The following STRAP variants were observed in gnomAD, a reference collection of about 807,000 sequenced individuals.
STRAP encodes the protein serine-threonine kinase receptor-associated protein.
In STRAP, 16 loss-of-function variants were observed where a neutral mutation model predicts 47.0. That is an observed-to-expected ratio of 0.34 (90% CI 0.23 to 0.52). The LOEUF (loss-of-function observed/expected upper bound fraction) is 0.52, where lower values mean the gene tolerates loss of function less well. Ranked by LOEUF, STRAP falls within the 20% of genes least tolerant of loss-of-function variation. STRAP has a pLI of 0.96. For synonymous variants in STRAP, 130 were observed against 142.7 expected (o/e 0.91, Z 0.63); for missense variants, 293 against 420.0 (o/e 0.70, Z 2.64).
intron 2 of STRAP, 39 bp downstream of exon 2, chr12:15,883,715 T>A: frequency 6.2e-7 from 1 of 1,606,288 alleles, no homozygotes. Flanking sequence ...GTGTTCTCTG[T>A]AGCTTGTGTC....
chr12:15,902,861 C>G (rs1429774242), intron 9 of STRAP, 56 bp from the exon 10 acceptor site: 1 of 1,352,794 alleles, frequency 7.4e-7, no homozygotes, highest in African/African-American at 1.8e-5. Flanking sequence ...TTGCTTCTTT[C>G]TTTCATTAAG....
At chr12:15,898,594 C>T (rs905037543) in intron 7 of STRAP, among the ~76,000 whole-genome samples, 3 of 152,074 alleles carry the variant, frequency 2.0e-5, no homozygotes, top group East Asian at 1.9e-4. Context: ...TTCATGATAA[C>T]AGTCCTTAGT....
At chr12:15,898,089 TA>T in intron 7 of STRAP, 71 bp downstream of exon 7, 1 of 997,408 alleles carries the variant, frequency 1.0e-6, no homozygotes, top group African/African-American at 1.7e-5. Context: ...ACACCTCATT[TA>T]TATATATATA....
At chr12:15,885,180 GTTTTTTTTTTT>G (rs749702060) in intron 2 of STRAP, among the ~76,000 whole-genome samples, 4 of 99,592 alleles carry the variant, frequency 4.0e-5, no homozygotes, top group Admixed American at 1.1e-4. Context: ...TACAAGTGGT[GTTTTTTTTTTT>G]TTTTTTTTTT....
At position 15,887,280 on chromosome 12, in the gene STRAP, A is replaced by G. The variant is rs1363769600; in HGVS notation, c.249-2648A>G. 6.6e-6 allele frequency among the ~76,000 whole-genome samples: 1 copy of G among 152,174 alleles called. No homozygotes were observed. The highest frequency in any genetic ancestry group is 1.5e-5 in the Non-Finnish European group (1 of 68,038). On this transcript the variant is annotated intron_variant, in intron 2 of 9. Coordinates refer to ENST00000419869, the MANE Select transcript of STRAP (RefSeq NM_007178.4). This position sits in a 1 kb window ranked among gnomAD's most constrained non-coding sequence, Gnocchi z 5.5. ...GGTAAGTTCATTCTGAGGATATGGA[A>G]AGTATCAGGCAGCATTATTATTTGC...
At position 15,897,952 on chromosome 12, in the gene STRAP, T is replaced by C. The variant is rs1238158252; in HGVS notation, c.709T>C (p.Phe237Leu). 1 of 1,602,290 alleles carries C rather than the reference T, an allele frequency of 6.2e-7. No homozygotes were observed. Among genetic ancestry groups the C allele is most frequent in the Non-Finnish European group, 8.5e-7 (1 of 1,175,638 alleles). Residue 237 changes from phenylalanine (F) to leucine (L), a missense_variant, in exon 7 of 10, where the codon TTT (phenylalanine) becomes CTT (leucine). By Grantham distance (22) the Phe-to-Leu change is conservative. Coordinates refer to ENST00000419869, the MANE Select transcript of STRAP (RefSeq NM_007178.4). The part of the protein sequence containing the change: ...NSASLHPEKE[F>L]LVAGGEDFKL... ...TGCATCTCTTCATCCTGAGAAAGAA[T>C]TTCTTGTTGCAGGCGGTGAAGATTT... is the stretch of plus-strand genomic sequence containing the variant.
chr12:15,892,298 A>G (rs1247187532), intron 4 of STRAP, among the ~76,000 whole-genome samples: 4 of 152,078 alleles, frequency 2.6e-5, no homozygotes, highest in African/African-American at 9.7e-5. Context: ...AGGTGGTTTT[A>G]TGGTATATAT....
chr12:15,889,733 T>C (rs1316079078), intron 2 of STRAP, among the ~76,000 whole-genome samples, 195 bp from the exon 3 acceptor site: 2 of 152,192 alleles, frequency 1.3e-5, no homozygotes, highest in African/African-American at 4.8e-5. Flanking sequence ...GAAATTTCTT[T>C]TCCCTTAAGC....
At position 15,898,148 on chromosome 12, in the gene STRAP, T is replaced by G. The variant is rs543448618; in HGVS notation, c.775+130T>G. Reference sequence around the variant, plus strand: ...AGTAAATTTTTCAGCTAACTTAAGCTTGGTGCTTACAAGTGAAAAAGTAAA... The same window carrying G: ...AGTAAATTTTTCAGCTAACTTAAGCGTGGTGCTTACAAGTGAAAAAGTAAA... On this transcript the variant is annotated intron_variant, in intron 7 of 9. Coordinates refer to ENST00000419869, the MANE Select transcript of STRAP (RefSeq NM_007178.4). 1.9e-5 allele frequency: 16 copies of G among 823,886 alleles called. No individual in the cohort carries two copies. In the Admixed American group the frequency reaches 2.4e-4, roughly 13 times the overall value. The allele number at this position is 823,886 out of a possible 1,614,324, so 51.0% of individuals were successfully genotyped here.
At chr12:15,897,761 A>G in intron 6 of STRAP, 121 bp from the exon 7 acceptor site, 1 of 392,056 alleles carries the variant, frequency 2.6e-6, no homozygotes, top group Non-Finnish European at 3.9e-6. Flanking sequence ...ATCAGTGTTT[A>G]TGTTTGAGTA....
rs554842985 is a variant in STRAP, at chr12:15,885,373, G to A, written c.248+1697G>A. Among the ~76,000 whole-genome samples, 20 of 151,816 alleles carry A rather than the reference G, an allele frequency of 1.3e-4. No individual in the cohort carries two copies. The East Asian group carries it at 3.9e-3, about 29-fold the overall frequency. On this transcript the variant is annotated intron_variant, in intron 2 of 9. Transcript: ENST00000419869. ...CTGGCTAATTTTTGTATATTTAGTA[G>A]AGACGGGGTTTCGCCATGTTGGCCA...
Position 15,882,622 on chromosome 12 carries a change from G to T in STRAP, c.-86G>T. On this transcript the variant is annotated 5_prime_UTR_variant, in exon 1 of 10. Coordinates refer to ENST00000419869, the MANE Select transcript of STRAP (RefSeq NM_007178.4). Reference sequence around the variant, plus strand: ...GCCCTAGTGTCAGGGCGGGGGCCTGGAGCAGCCCGAGGCACTGCAGCAGAA... The same window carrying T: ...GCCCTAGTGTCAGGGCGGGGGCCTGTAGCAGCCCGAGGCACTGCAGCAGAA... The T allele has an allele frequency of 8.6e-7, 1 of 1,163,122 alleles. No homozygotes were observed. The highest frequency in any genetic ancestry group is 1.2e-6 in the Non-Finnish European group (1 of 807,456). The allele number at this position is 1,163,122 out of a possible 1,614,324, so 72.1% of individuals were successfully genotyped here. A position where few individuals can be genotyped will look rare whatever the true frequency, so the allele number is the denominator to read the frequency against.
At chr12:15,902,189 G>A (rs959908369) in intron 9 of STRAP, among the ~76,000 whole-genome samples, 6 of 152,082 alleles carry the variant, frequency 3.9e-5, no homozygotes, top group African/African-American at 1.4e-4. Context: ...GATCAGGCTG[G>A]TCTTGAACTC....
At chr12:15,899,869 A>G (rs1213403026) in intron 7 of STRAP, 35 bp from the exon 8 acceptor site, 10 of 1,585,832 alleles carry the variant, frequency 6.3e-6, no homozygotes, top group Non-Finnish European at 8.6e-6. Context: ...TTAACCTAAT[A>G]GTTAAAATTA....
rs1948009927 is a variant in STRAP, at chr12:15,890,930, G to GGC, written c.403+264_403+265dup. Among the ~76,000 whole-genome samples the GGC allele has an allele frequency of 6.6e-6, 1 of 152,004 alleles. No homozygotes were observed. The highest frequency in any genetic ancestry group is 2.4e-5 in the African/African-American group (1 of 41,386). On this transcript the variant is annotated intron_variant, in intron 4 of 9. Coordinates refer to ENST00000419869, the MANE Select transcript of STRAP (RefSeq NM_007178.4). The surrounding 1 kb of genome is among the most constrained non-coding windows in gnomAD (Gnocchi z 4.5). ...GAAAAATTAGCCAGGCATGGTGGCA[G>GGC]GCGCTTGTAATCCCAGCTACTTGGG... is the stretch of plus-strand genomic sequence containing the variant.
In STRAP at chr12:15,890,257, G is replaced by A. The variant is rs1210579741; in HGVS notation, c.330+248G>A. On this transcript the variant is annotated intron_variant, in intron 3 of 9. Coordinates refer to ENST00000419869, the MANE Select transcript of STRAP (RefSeq NM_007178.4). This position sits in a 1 kb window ranked among gnomAD's most constrained non-coding sequence, Gnocchi z 4.5. ...TCAACATGTAAAAAACATCTGAAAAGCTCAAGTAGCCTTCCCCAACTACTA... is the reference window on the plus strand; with the variant it reads ...TCAACATGTAAAAAACATCTGAAAAACTCAAGTAGCCTTCCCCAACTACTA... Among the ~76,000 whole-genome samples, 1 of 152,184 alleles carries A rather than the reference G, an allele frequency of 6.6e-6. No individual in the cohort carries two copies. Among genetic ancestry groups the A allele is most frequent in the Non-Finnish European group, 1.5e-5 (1 of 68,034 alleles).
At chr12:15,895,549 G>T in intron 6 of STRAP, 53 bp downstream of exon 6, 1 of 1,563,868 alleles carries the variant, frequency 6.4e-7, no homozygotes, top group South Asian at 1.2e-5. Context: ...AAGACATTTT[G>T]GCTACTTAAA....
intron 7 of STRAP, among the ~76,000 whole-genome samples, chr12:15,898,595 A>G (rs1948079328): frequency 6.6e-6 from 1 of 152,176 alleles, no homozygotes; most frequent in Non-Finnish European, 1.5e-5. Flanking sequence ...TCATGATAAC[A>G]GTCCTTAGTA....
chr12:15,891,786 T>C (rs923303351), intron 4 of STRAP, among the ~76,000 whole-genome samples: 7 of 151,822 alleles, frequency 4.6e-5, no homozygotes, highest in African/African-American at 1.7e-4. Flanking sequence ...CTACTAAAAG[T>C]ACAAAAAAAT....
Sources: gnomAD v4.1 joint callset for allele counts (sites outside exome capture counted in the v4.1 genomes callset) on GRCh38, gnomAD v4.1.1 for gene constraint, Gnocchi (gnomAD v3.1) non-coding constraint, MANE v1.5 for transcripts, NCBI Gene and HGNC (gene_info 2026-07-23, HGNC 2026-07-21) for gene names.